Variants in CASP10 observed in about 807,000 individuals in gnomAD.
CASP10 encodes the protein caspase-10.
In CASP10, 41 loss-of-function variants were observed where a neutral mutation model predicts 48.5. The ratio of observed to expected loss-of-function variants is 0.85; its 90% CI spans 0.66 to 1.10. The LOEUF is 1.10. Ranked by LOEUF, CASP10 falls within the 50% of genes least tolerant of loss-of-function variation. The pLI, the probability that CASP10 is intolerant of heterozygous loss-of-function variation, is 0.00. For synonymous variants in CASP10, 232 were observed against 238.4 expected (o/e 0.97, Z 0.25); for missense variants, 614 against 614.5 (o/e 1.00, Z 0.01).
rs1945695165 is a variant in CASP10, at chr2:201,220,507, G to A, written c.*2766G>A. On this transcript the variant is annotated 3_prime_UTR_variant, in exon 10 of 10. Transcript: ENST00000286186. ...CTACAGCTGCAGAAATATTGTATGG[G>A]AACGGACACACAACTCTCCCTCCCA... The A allele has an allele frequency of 6.5e-6, 1 of 154,702 alleles. No individual in the cohort carries two copies. Among genetic ancestry groups the A allele is most frequent in the Admixed American group, 6.5e-5 (1 of 15,272 alleles). The allele number at this position is 154,702 out of a possible 1,614,324, so 9.6% of individuals were successfully genotyped here.
chr2:201,196,063 TG>T (rs1944786115), intron 5 of CASP10, 115 bp downstream of exon 5: 1 of 720,946 alleles, frequency 1.4e-6, no homozygotes, highest in East Asian at 2.5e-5. Context: ...TACCATTTAT[TG>T]TAAATGGTCT....
chr2:201,209,417 A>T lies in CASP10; in HGVS notation c.1270A>T (p.Thr424Ser). ...TGCTCTGAACCCTGAGCAGGCACCC[A>T]CTTCCCTGCAGGACAGTATTCCTGC... ...ADALNPEQAP[T>S]SLQDSIPAEA... Residue 424 changes from threonine (T) to serine (S), a missense_variant, in exon 9 of 10, where the codon ACT becomes TCT. Coordinates refer to ENST00000286186, the MANE Select transcript of CASP10 (RefSeq NM_032977.4). 1 of 1,614,078 alleles carries T rather than the reference A, an allele frequency of 6.2e-7. No homozygotes were observed. Among genetic ancestry groups the T allele is most frequent in the Non-Finnish European group, 8.5e-7 (1 of 1,180,004 alleles).
chr2:201,194,859 A>G (rs1489229421), intron 4 of CASP10, among the ~76,000 whole-genome samples: 1 of 152,006 alleles, frequency 6.6e-6, no homozygotes, highest in East Asian at 1.9e-4. Context: ...GCTCACTGCA[A>G]GATCTGCCTC....
chr2:201,219,860 T>G lies in CASP10; in HGVS notation c.*2119T>G. ...AGATGAGGCAGCTGAGGCCTGGGGATGTGAACAACCTGCTCACAGTCCTCA... is the reference window on the plus strand; with the variant it reads ...AGATGAGGCAGCTGAGGCCTGGGGAGGTGAACAACCTGCTCACAGTCCTCA... On this transcript the variant is annotated 3_prime_UTR_variant, in exon 10 of 10. Transcript: ENST00000286186. 3.0e-6 allele frequency: 3 copies of G among 985,400 alleles called. No individual in the cohort carries two copies. The highest frequency in any genetic ancestry group is 3.6e-6 in the Non-Finnish European group (3 of 829,920). 61.0% of individuals were successfully genotyped at this position (985,400 alleles called of 1,614,324 possible). A position where few individuals can be genotyped will look rare whatever the true frequency, so the allele number is the denominator to read the frequency against.
In CASP10 at chr2:201,186,480, C is replaced by T. The variant is rs531710132; in HGVS notation, c.347+356C>T. The T allele has an allele frequency of 6.0e-5, 18 of 301,150 alleles. No individual in the cohort carries two copies. The East Asian group carries it at 6.9e-4, about 12-fold the overall frequency. The allele number at this position is 301,150 out of a possible 1,614,324, so 18.7% of individuals were successfully genotyped here. A position where few individuals can be genotyped will look rare whatever the true frequency, so the allele number is the denominator to read the frequency against. ...TCCACTAGTCTGTCTACCTGTTTCC[C>T]GGGGTCTTGAGAAGAGAGTAATGCA... On this transcript the variant is annotated intron_variant, in intron 2 of 9. Transcript: ENST00000286186.
At chr2:201,198,158 G>T (rs1026462846) in intron 5 of CASP10, among the ~76,000 whole-genome samples, 2 of 152,166 alleles carry the variant, frequency 1.3e-5, no homozygotes, top group Non-Finnish European at 1.5e-5. Flanking sequence ...CTTCTTTAGA[G>T]AAATGTCTGT....
chr2:201,206,239 G>A (rs960122549), intron 7 of CASP10: 3 of 299,510 alleles, frequency 1.0e-5, no homozygotes, highest in Non-Finnish European at 1.9e-5. Context: ...ATACCCTTTG[G>A]GTTATTTCTG....
chr2:201,195,087 T>TA (rs1944745384), intron 4 of CASP10, among the ~76,000 whole-genome samples: 1 of 150,900 alleles, frequency 6.6e-6, no homozygotes, highest in African/African-American at 2.4e-5. Flanking sequence ...TGAGCTTTGT[T>TA]ATTTTTATTT....
rs41447246 is a variant in CASP10, at chr2:201,213,119, G to A, written c.1415+3557G>A. 1.9e-3 allele frequency: 291 copies of A among 152,178 alleles called. 3 individuals are homozygous for A. Among genetic ancestry groups the A allele is most frequent in the African/African-American group, 6.8e-3 (282 of 41,522 alleles). The allele number at this position is 152,178 out of a possible 1,614,324, so 9.4% of individuals were successfully genotyped here. A position where few individuals can be genotyped will look rare whatever the true frequency, so the allele number is the denominator to read the frequency against. ...TATTTGGAGTTGCACCAATATTTTT[G>A]GTTCCTAAGACCAATGGATAACTCT... On this transcript the variant is annotated intron_variant, in intron 9 of 9. Transcript: ENST00000286186.
downstream of CASP10, among the ~76,000 whole-genome samples, chr2:201,226,351 A>G (rs944748063): frequency 3.3e-5 from 5 of 152,242 alleles, no homozygotes; most frequent in African/African-American, 9.6e-5. Flanking sequence ...ACTCTATTAC[A>G]TCGATCTAGG....
At chr2:201,211,044 A>G (rs751108708) in intron 9 of CASP10, among the ~76,000 whole-genome samples, 1 of 152,160 alleles carries the variant, frequency 6.6e-6, no homozygotes, top group Non-Finnish European at 1.5e-5. Context: ...AAATCAGGGT[A>G]GTTAGTGTAT....
rs1455509497 is a variant in CASP10 at position 201,221,080 on chromosome 2, G to C, written c.*3339G>C. 1.0e-6 allele frequency: 1 copy of C among 985,316 alleles called. No homozygotes were observed. Among genetic ancestry groups the C allele is most frequent in the Non-Finnish European group, 1.2e-6 (1 of 829,946 alleles). The allele number at this position is 985,316 out of a possible 1,614,324, so 61.0% of individuals were successfully genotyped here. ...GAGGTGCATATAAATGCCTTTAGGT[G>C]GTAGGGTCTTCCGGTTGTAACTGCA... On this transcript the variant is annotated 3_prime_UTR_variant, in exon 10 of 10. Coordinates refer to ENST00000286186, the MANE Select transcript of CASP10 (RefSeq NM_032977.4).
chr2:201,218,509 C>G lies in CASP10; in HGVS notation c.*768C>G. 2 of 775,820 alleles carry G rather than the reference C, an allele frequency of 2.6e-6. No individual in the cohort carries two copies. Among genetic ancestry groups the G allele is most frequent in the Non-Finnish European group, 3.1e-6 (2 of 639,576 alleles). 48.1% of individuals were successfully genotyped at this position (775,820 alleles called of 1,614,324 possible). A position where few individuals can be genotyped will look rare whatever the true frequency, so the allele number is the denominator to read the frequency against. On this transcript the variant is annotated 3_prime_UTR_variant, in exon 10 of 10. Coordinates refer to ENST00000286186, the MANE Select transcript of CASP10 (RefSeq NM_032977.4). The stretch of plus-strand genomic sequence containing the variant: ...TGGAGATGGGGTTTCACTATGTTGC[C>G]TAAGCTGGTCTCAAACTCCTGGGCT...
intron 2 of CASP10, 26 bp downstream of exon 2, chr2:201,186,150 G>A: frequency 1.3e-6 from 2 of 1,519,110 alleles, no homozygotes; most frequent in Non-Finnish European, 1.8e-6. Flanking sequence ...TGGTGGAGAT[G>A]GGAGGATCTC....
At chr2:201,213,885 G>A (rs909205298) in intron 9 of CASP10, 58 of 152,302 alleles carry the variant, frequency 3.8e-4, no homozygotes, top group African/African-American at 1.3e-3. Context: ...ATCAGGAAAG[G>A]ATAGGCTATA....
intron 9 of CASP10, among the ~76,000 whole-genome samples, chr2:201,216,954 T>A (rs1214384088): frequency 6.6e-6 from 1 of 152,204 alleles, no homozygotes; most frequent in Non-Finnish European, 1.5e-5. Flanking sequence ...TCTCTCTCCC[T>A]CCCAACCAGA....
intron 9 of CASP10, among the ~76,000 whole-genome samples, chr2:201,227,591 C>T (rs982501520): frequency 5.3e-5 from 8 of 152,160 alleles, no homozygotes; most frequent in Non-Finnish European, 1.0e-4. Context: ...GAGTCTCGCT[C>T]TGTTGCCCAG....
intron 6 of CASP10, 121 bp from the exon 7 acceptor site, chr2:201,205,761 A>AATTTGTCT: frequency 1.4e-6 from 1 of 716,072 alleles, no homozygotes; most frequent in South Asian, 1.5e-5. Context: ...ATGGTGGCTG[A>AATTTGTCT]ATTTGTCTCA....
At position 201,192,984 on chromosome 2, in the gene CASP10, A is replaced by G. The variant is rs540832841; in HGVS notation, c.442A>G (p.Thr148Ala). ...LKDSLPKTEMTSLSFLAFLEK... is the reference protein window; with the variant it reads ...LKDSLPKTEMASLSFLAFLEK... The stretch of plus-strand genomic sequence containing the variant: ...TGTAACTCTATTGATTCTCTTGTAG[A>G]CCTCCCTAAGTTTCCTGGCATTTCT... Residue 148 changes from threonine to alanine, a missense_variant and splice_region_variant, in exon 4 of 10, where the codon ACC becomes GCC. Thr to Ala is a moderately conservative substitution (Grantham distance 58). Coordinates refer to ENST00000286186, the MANE Select transcript of CASP10 (RefSeq NM_032977.4). The G allele has an allele frequency of 6.2e-7, 1 of 1,613,188 alleles. No individual in the cohort carries two copies. The highest frequency in any genetic ancestry group is 2.2e-5 in the East Asian group (1 of 44,824).
Sources: allele counts gnomAD v4.1 joint callset (sites outside exome capture counted in the v4.1 genomes callset), GRCh38; gene constraint gnomAD v4.1.1; transcripts MANE v1.5; gene names NCBI Gene and HGNC (gene_info 2026-07-23, HGNC 2026-07-21).